ADCY9: variants seen among roughly 807,000 people sequenced by gnomAD.
ADCY9 encodes adenylate cyclase type 9.
Under a neutral mutation model 101.5 loss-of-function variants are expected in ADCY9, and 50 were observed. That is an observed-to-expected ratio of 0.49 (90% CI 0.39 to 0.62). The LOEUF is 0.62. ADCY9 is among the 20% of genes least tolerant of loss of function. The pLI is 0.00. For synonymous variants in ADCY9, 905 were observed against 769.3 expected (o/e 1.18, Z -2.92); for missense variants, 1,662 against 1,800.4 (o/e 0.92, Z 1.39).
At position 4,034,588 on chromosome 16, in the gene ADCY9, T is replaced by C. The variant is rs116805537; in HGVS notation, c.1694-27030A>G. Among the ~76,000 whole-genome samples, 261 of 152,158 alleles carry C rather than the reference T, an allele frequency of 1.7e-3. No individual in the cohort carries two copies. In the Middle Eastern group the frequency reaches 0.02, roughly 12 times the overall value. ...CCAGGCCCAGCTAATTTTTGTATTA[T>C]TAGTAGGGGTTTATTAGATGGGGTT... On this transcript the variant is annotated intron_variant, in intron 2 of 10. Coordinates refer to ENST00000294016, the MANE Select transcript of ADCY9 (RefSeq NM_001116.4).
intron 2 of ADCY9, among the ~76,000 whole-genome samples, chr16:4,093,587 T>C (rs1407415023): frequency 1.3e-5 from 2 of 152,248 alleles, no homozygotes; most frequent in Middle Eastern, 3.4e-3. Flanking sequence ...AGTATTTTTG[T>C]CTCTACAAAA....
chr16:4,003,373 T>C (rs1428050929), intron 3 of ADCY9, among the ~76,000 whole-genome samples: 1 of 152,138 alleles, frequency 6.6e-6, no homozygotes, highest in Non-Finnish European at 1.5e-5. Flanking sequence ...CTGTGGTCAC[T>C]GTCCCTGCTC....
intron 8 of ADCY9, 61 bp from the exon 9 acceptor site, chr16:3,977,691 C>T (rs1023725538): frequency 8.6e-5 from 133 of 1,548,518 alleles, no homozygotes; most frequent in Middle Eastern, 2.0e-4. Flanking sequence ...CTGCTATACC[C>T]GGCCGCCAAA....
chr16:3,989,065 T>C lies in ADCY9; in HGVS notation c.2239A>G (p.Ile747Val), dbSNP rs1438401631. ...AGGAAGTTCAGGCTGAACTGATTAATGGGCGGCTTAAAAAAGTAATCTTTC... is the reference window on the plus strand; with the variant it reads ...AGGAAGTTCAGGCTGAACTGATTAACGGGCGGCTTAAAAAAGTAATCTTTC... ...LMKDYFFKPPINQFSLNFLDQ... is the reference protein window; with the variant it reads ...LMKDYFFKPPVNQFSLNFLDQ... Residue 747 changes from isoleucine (I) to valine (V), a missense_variant, in exon 6 of 11, where the codon ATT (isoleucine) becomes GTT (valine). Coordinates refer to ENST00000294016, the MANE Select transcript of ADCY9 (RefSeq NM_001116.4). 1.9e-6 allele frequency: 3 copies of C among 1,614,024 alleles called. No individual in the cohort carries two copies. The highest frequency in any genetic ancestry group is 2.5e-6 in the Non-Finnish European group (3 of 1,179,978).
At position 4,115,854 on chromosome 16, in the gene ADCY9, C is replaced by T; in HGVS notation, c.-208G>A. 2.5e-6 allele frequency: 1 copy of T among 398,848 alleles called. No homozygotes were observed. Among genetic ancestry groups the T allele is most frequent in the Middle Eastern group, 6.4e-4 (1 of 1,574 alleles). 24.7% of individuals were successfully genotyped at this position (398,848 alleles called of 1,614,324 possible). On this transcript the variant is annotated 5_prime_UTR_variant, in exon 1 of 11. Transcript: ENST00000294016. The surrounding 1 kb of genome is among the most constrained non-coding windows in gnomAD (Gnocchi z 6.2). ...TGCGGCTCCGGAGGGAAGTTCAGACCTTGAGCGCTCCCAGCCCCGCGAGCC... is the reference window on the plus strand; with the variant it reads ...TGCGGCTCCGGAGGGAAGTTCAGACTTTGAGCGCTCCCAGCCCCGCGAGCC...
chr16:4,100,158 T>C (rs753030553), intron 2 of ADCY9, among the ~76,000 whole-genome samples: 8 of 152,040 alleles, frequency 5.3e-5, no homozygotes, highest in Admixed American at 3.3e-4. Context: ...AGTTCCCCCT[T>C]CGCATGCTCT....
At chr16:4,056,843 G>T (rs1179181796) in intron 2 of ADCY9, among the ~76,000 whole-genome samples, 1 of 152,132 alleles carries the variant, frequency 6.6e-6, no homozygotes, top group Non-Finnish European at 1.5e-5. Flanking sequence ...GGTTGACAAG[G>T]CGGCCACACC....
chr16:3,980,368 G>A (rs1329546850), intron 7 of ADCY9, among the ~76,000 whole-genome samples: 1 of 152,218 alleles, frequency 6.6e-6, no homozygotes, highest in Non-Finnish European at 1.5e-5. Context: ...TGAGTCCAAG[G>A]ACCCCTGGGC....
At chr16:4,027,775 G>C (rs1344303957) in intron 2 of ADCY9, among the ~76,000 whole-genome samples, 1 of 151,978 alleles carries the variant, frequency 6.6e-6, no homozygotes, top group Non-Finnish European at 1.5e-5. Context: ...TACTTGGGAG[G>C]CTGAGGCAGG....
At chr16:4,052,294 G>C (rs553659302) in intron 2 of ADCY9, among the ~76,000 whole-genome samples, 1 of 152,340 alleles carries the variant, frequency 6.6e-6, no homozygotes, top group African/African-American at 2.4e-5. Flanking sequence ...GCGGGCTCCG[G>C]GGCCTCTGCA....
rs376711313 is a variant in ADCY9 at position 4,114,938 on chromosome 16, C to T, written c.505G>A (p.Ala169Thr). 1.9e-6 allele frequency: 3 copies of T among 1,613,804 alleles called. No homozygotes were observed. In the African/African-American group the frequency reaches 4.0e-5, roughly 22 times the overall value. Residue 169 changes from alanine (A) to threonine (T), a missense_variant, in exon 2 of 11, where the codon GCC (alanine) becomes ACC (threonine). By Grantham distance (58) the Ala-to-Thr change is moderately conservative (BLOSUM62 0). Around this residue, in one of 5 missense-constraint regions of ADCY9, gnomAD observed 422 missense variants for 392.0 expected, o/e 1.08. Coordinates refer to ENST00000294016, the MANE Select transcript of ADCY9 (RefSeq NM_001116.4). The surrounding 1 kb of genome is among the most constrained non-coding windows in gnomAD (Gnocchi z 4.3). ...AGCGAGGTCCACGCGTAATGCCGGGCGTACAGCTTGGTGAAGGTAAACAGA... is the reference window on the plus strand; with the variant it reads ...AGCGAGGTCCACGCGTAATGCCGGGTGTACAGCTTGGTGAAGGTAAACAGA... The part of the protein sequence containing the change: ...FFLFTFTKLY[A>T]RHYAWTSLAL...
At chr16:4,056,793 G>A (rs1243517931) in intron 2 of ADCY9, among the ~76,000 whole-genome samples, 1 of 152,186 alleles carries the variant, frequency 6.6e-6, no homozygotes, top group Non-Finnish European at 1.5e-5. Flanking sequence ...TCGGCATGAC[G>A]ATGGAGGTGC....
downstream of ADCY9, among the ~76,000 whole-genome samples, chr16:3,959,129 G>C (rs1471521755): frequency 6.6e-6 from 1 of 152,116 alleles, no homozygotes; most frequent in Non-Finnish European, 1.5e-5. Flanking sequence ...GGGAGGCTGA[G>C]GTGGATGGAT....
At chr16:4,038,775 T>C (rs76502134) in intron 2 of ADCY9, among the ~76,000 whole-genome samples, 6,341 of 151,944 alleles carry the variant, frequency 0.042, 438 homozygotes, top group African/African-American at 0.14. Context: ...TCTCCTTCCT[T>C]TCCCTCACCA....
At chr16:3,956,488 C>CTGTTTTTTTTTTTTTT (rs2055906570) in intron 5 of ADCY9, among the ~76,000 whole-genome samples, 1 of 68,762 alleles carries the variant, frequency 1.5e-5, no homozygotes, top group Non-Finnish European at 2.6e-5. Flanking sequence ...GCGCAATGAG[C>CTGTTTTTTTTTTTTTT]TTTTTTTTTT....
At chr16:4,027,851 T>C (rs1435930967) in intron 2 of ADCY9, among the ~76,000 whole-genome samples, 1 of 145,654 alleles carries the variant, frequency 6.9e-6, no homozygotes, top group Non-Finnish European at 1.5e-5. Flanking sequence ...CACTCCAGCC[T>C]GGGTGACAAG....
intron 10 of ADCY9, among the ~76,000 whole-genome samples, chr16:3,968,853 T>C (rs776123918): frequency 9.9e-5 from 15 of 152,222 alleles, no homozygotes; most frequent in Non-Finnish European, 2.1e-4. Context: ...GCTTTTTTTT[T>C]TCTTTTTTTT....
chr16:3,979,097 C>T lies in ADCY9; in HGVS notation c.2679+19G>A, dbSNP rs371643816. On this transcript the variant is annotated intron_variant, in intron 8 of 10. Coordinates refer to ENST00000294016, the MANE Select transcript of ADCY9 (RefSeq NM_001116.4). Reference sequence around the variant, plus strand: ...AGTCCAGGAGAGCGTGGAAATAAAACGGCTGAGCCTTTACTTACGTGTATG... The same window carrying T: ...AGTCCAGGAGAGCGTGGAAATAAAATGGCTGAGCCTTTACTTACGTGTATG... 1.1e-5 allele frequency: 18 copies of T among 1,613,748 alleles called. No individual in the cohort carries two copies. The highest frequency in any genetic ancestry group is 5.0e-5 in the Admixed American group (3 of 60,000).
At chr16:4,031,331 AG>A (rs1271569155) in intron 2 of ADCY9, among the ~76,000 whole-genome samples, 3 of 152,224 alleles carry the variant, frequency 2.0e-5, no homozygotes, top group Non-Finnish European at 4.4e-5. Flanking sequence ...GGCTCAGCAA[AG>A]AAAAAAGAGG....
Sources: gnomAD v4.1 joint callset for allele counts (sites outside exome capture counted in the v4.1 genomes callset) on GRCh38, gnomAD v4.1.1 for gene constraint, gnomAD v4.1.1 regional missense constraint, Gnocchi (gnomAD v3.1) non-coding constraint, MANE v1.5 for transcripts, NCBI Gene and HGNC (gene_info 2026-07-23, HGNC 2026-07-21) for gene names.